The following GSTCD variants were observed in gnomAD, a reference collection of about 807,000 sequenced individuals.
The protein encoded by GSTCD is glutathione S-transferase C-terminal domain containing, also known as glutathione S-transferase C-terminal domain-containing protein.
A neutral mutation model predicts 68.3 loss-of-function variants in GSTCD; 44 were observed. That is an observed-to-expected ratio of 0.64 (90% CI 0.51 to 0.83). GSTCD has a LOEUF of 0.83. GSTCD is among the 40% of genes least tolerant of loss of function. The pLI, the probability that GSTCD is intolerant of heterozygous loss-of-function variation, is 0.00. For missense variants in GSTCD, 739 were observed against 735.9 expected (o/e 1.00, Z -0.05); for synonymous variants, 273 against 255.2 (o/e 1.07, Z -0.67).
At chr4:105,843,023 T>C (rs1371898132) in intron 11 of GSTCD, among the ~76,000 whole-genome samples, 14 of 152,222 alleles carry the variant, frequency 9.2e-5, no homozygotes, top group Non-Finnish European at 2.1e-4. Context: ...CACCATTATA[T>C]TTTTTCTCTA....
chr4:105,793,966 CA>C lies in GSTCD; in HGVS notation c.1241-28987del, dbSNP rs1735773879. ...TCCCTACTATGAAATAATTTGAGAA[CA>C]TATGTTATATTCCTGTGAAACTGTG... On this transcript the variant is annotated intron_variant, in intron 5 of 11. Transcript: ENST00000515279. Among the ~76,000 whole-genome samples, 2 of 151,988 alleles carry C rather than the reference CA, an allele frequency of 1.3e-5. 1 individual carries two copies. The highest frequency in any genetic ancestry group is 4.2e-4 in the South Asian group (2 of 4,816).
intron 5 of GSTCD, among the ~76,000 whole-genome samples, chr4:105,799,079 C>T (rs1682594154): frequency 6.6e-6 from 1 of 152,190 alleles, no homozygotes; most frequent in African/African-American, 2.4e-5. Flanking sequence ...ATGGAGATAT[C>T]TCCTTTATTA....
intron 10 of GSTCD, 80 bp downstream of exon 10, chr4:105,837,969 T>C: frequency 1.9e-6 from 1 of 530,448 alleles, no homozygotes; most frequent in Non-Finnish European, 3.2e-6. Flanking sequence ...TCTAGTGGAG[T>C]AAATAATCTA....
rs748115284 is a variant in GSTCD at position 105,729,360 on chromosome 4, A to T, written c.1147-46A>T. 2.5e-6 allele frequency: 3 copies of T among 1,197,070 alleles called. No homozygotes were observed. The African/African-American group carries it at 4.6e-5, about 18-fold the overall frequency. The allele number at this position is 1,197,070 out of a possible 1,614,324, so 74.2% of individuals were successfully genotyped here. ...TTTTAGCCTTCAATAATATAATAAG[A>T]CTATATTAATTCCTTAATTTAGAAA... On this transcript the variant is annotated intron_variant, in intron 4 of 11. Transcript: ENST00000515279.
intron 5 of GSTCD, among the ~76,000 whole-genome samples, chr4:105,815,575 A>C (rs1265679123): frequency 6.6e-6 from 1 of 152,192 alleles, no homozygotes; most frequent in African/African-American, 2.4e-5. Context: ...CCATGTGCAC[A>C]AAAGAAGTAT....
intron 5 of GSTCD, among the ~76,000 whole-genome samples, chr4:105,769,075 A>G (rs1158233131): frequency 1.3e-5 from 2 of 152,162 alleles, no homozygotes; most frequent in Non-Finnish European, 2.9e-5. Context: ...GTTTTAATTT[A>G]AATGAGAAAA....
At chr4:105,789,375 C>T (rs1011084693) in intron 5 of GSTCD, among the ~76,000 whole-genome samples, 1 of 152,036 alleles carries the variant, frequency 6.6e-6, no homozygotes, top group Non-Finnish European at 1.5e-5. Context: ...CAGAGCCTCT[C>T]ACAAGGCTAC....
intron 5 of GSTCD, among the ~76,000 whole-genome samples, chr4:105,799,859 C>G (rs931307525): frequency 1.3e-5 from 2 of 150,866 alleles, no homozygotes; most frequent in Non-Finnish European, 3.0e-5. Context: ...CACAGTATTT[C>G]TAAAGCACAA....
intron 5 of GSTCD, among the ~76,000 whole-genome samples, chr4:105,797,132 T>C (rs1043303572): frequency 6.6e-6 from 1 of 151,912 alleles, no homozygotes; most frequent in Admixed American, 6.6e-5. Context: ...TTTGTCAGTA[T>C]AGGCTCACAG....
At chr4:105,768,319 C>T (rs767515034) in intron 5 of GSTCD, among the ~76,000 whole-genome samples, 2 of 152,088 alleles carry the variant, frequency 1.3e-5, no homozygotes, top group African/African-American at 4.8e-5. Context: ...CGTAAGTCAT[C>T]GCGCCCGGCC....
chr4:105,832,465 C>T (rs1159372002), intron 8 of GSTCD, among the ~76,000 whole-genome samples: 1 of 151,922 alleles, frequency 6.6e-6, no homozygotes, highest in Non-Finnish European at 1.5e-5. Context: ...CACTTTTTTG[C>T]ATGTAGTGTA....
intron 5 of GSTCD, among the ~76,000 whole-genome samples, chr4:105,791,150 T>C (rs1197578523): frequency 1.3e-5 from 2 of 151,840 alleles, no homozygotes; most frequent in Non-Finnish European, 2.9e-5. Flanking sequence ...TCCCAGCACT[T>C]TGGGAGGCCG....
At chr4:105,760,185 A>G (rs867409604) in intron 5 of GSTCD, among the ~76,000 whole-genome samples, 31 of 150,992 alleles carry the variant, frequency 2.1e-4, no homozygotes, top group South Asian at 8.3e-4. Flanking sequence ...AAAAAAAAAA[A>G]AGAGAGAATT....
At chr4:105,745,027 A>C (rs994709341) in intron 5 of GSTCD, among the ~76,000 whole-genome samples, 1 of 152,224 alleles carries the variant, frequency 6.6e-6, no homozygotes, top group Admixed American at 6.5e-5. Flanking sequence ...GTTTATACAG[A>C]TACATCTAAT....
chr4:105,793,235 C>G (rs1578479598), intron 5 of GSTCD, among the ~76,000 whole-genome samples: 1 of 151,974 alleles, frequency 6.6e-6, no homozygotes, highest in Non-Finnish European at 1.5e-5. Context: ...AAGATGTGCA[C>G]TAGTATATTT....
chr4:105,739,601 G>T (rs143959197), intron 5 of GSTCD, among the ~76,000 whole-genome samples: 55 of 152,306 alleles, frequency 3.6e-4, no homozygotes, highest in African/African-American at 1.2e-3. Context: ...AGACATGACT[G>T]CAGTTGGTGG....
intron 5 of GSTCD, among the ~76,000 whole-genome samples, chr4:105,791,155 A>G (rs888666793): frequency 1.3e-4 from 20 of 151,990 alleles, no homozygotes; most frequent in African/African-American, 4.1e-4. Flanking sequence ...GCACTTTGGG[A>G]GGCCGAGGTG....
chr4:105,726,866 A>G (rs942944920), intron 4 of GSTCD, 36 bp downstream of exon 4: 9 of 1,519,676 alleles, frequency 5.9e-6, no homozygotes, highest in East Asian at 2.3e-5. Flanking sequence ...GAAAAATTCT[A>G]TGTGATAATA....
At chr4:105,841,111 C>T (rs902544386) in intron 10 of GSTCD, among the ~76,000 whole-genome samples, 2 of 151,982 alleles carry the variant, frequency 1.3e-5, no homozygotes, top group African/African-American at 2.4e-5. Context: ...GTCAGGAGTT[C>T]GAAACCAGCC....
Sources: allele counts gnomAD v4.1 joint callset (sites outside exome capture counted in the v4.1 genomes callset), GRCh38; gene constraint gnomAD v4.1.1; transcripts MANE v1.5; gene names NCBI Gene and HGNC (gene_info 2026-07-23, HGNC 2026-07-21).